The following SDK1 variants were observed in gnomAD, a reference collection of about 807,000 sequenced individuals.
SDK1 encodes sidekick cell adhesion molecule 1.
In SDK1, 157 loss-of-function variants were observed where a neutral mutation model predicts 245.5. The ratio of observed to expected loss-of-function variants is 0.64; its 90% CI spans 0.56 to 0.73. The LOEUF (loss-of-function observed/expected upper bound fraction) is 0.73, where lower values mean the gene tolerates loss of function less well. SDK1 is among the 30% of genes least tolerant of loss of function. The pLI, the probability that SDK1 is intolerant of heterozygous loss-of-function variation, is 0.00. For missense variants in SDK1, 3,583 were observed against 3,002.3 expected (o/e 1.19, Z -4.52); for synonymous variants, 1,647 against 1,278.5 (o/e 1.29, Z -6.15).
At chr7:3,962,266 C>A (rs142616341) in intron 8 of SDK1, among the ~76,000 whole-genome samples, 19 of 152,328 alleles carry the variant, frequency 1.2e-4, no homozygotes, top group African/African-American at 4.3e-4. Context: ...GTCCTCTGCC[C>A]CTATGACCCT....
At chr7:3,431,697 G>C (rs191203007) in intron 1 of SDK1, among the ~76,000 whole-genome samples, 16 of 152,094 alleles carry the variant, frequency 1.1e-4, no homozygotes, top group African/African-American at 3.9e-4. Flanking sequence ...GGGGAGTTTG[G>C]AGCTCTGAGA....
intron 1 of SDK1, among the ~76,000 whole-genome samples, chr7:3,510,045 C>G (rs1782528507): frequency 6.6e-6 from 1 of 152,194 alleles, no homozygotes; most frequent in South Asian, 2.1e-4. Context: ...GGTTGACAAC[C>G]ATTGACTTAG....
intron 1 of SDK1, among the ~76,000 whole-genome samples, chr7:3,397,163 G>A (rs1455043762): frequency 1.3e-5 from 2 of 151,738 alleles, no homozygotes; most frequent in African/African-American, 2.4e-5. Context: ...GTATTTATAT[G>A]TTATAAGCCT....
At position 3,991,696 on chromosome 7, in the gene SDK1, G is replaced by A. The variant is rs542779698; in HGVS notation, c.2131+4374G>A. On this transcript the variant is annotated intron_variant, in intron 14 of 44. Transcript: ENST00000404826. ...CTTCAGAGCCTGGAGTGTGGGTATTGTGGCATGCAGAATCTAGAGTGGGTA... is the reference window on the plus strand; with the variant it reads ...CTTCAGAGCCTGGAGTGTGGGTATTATGGCATGCAGAATCTAGAGTGGGTA... 8.5e-5 allele frequency among the ~76,000 whole-genome samples: 13 copies of A among 152,310 alleles called. No homozygotes were observed. In the South Asian group the frequency reaches 2.5e-3, roughly 29 times the overall value.
intron 5 of SDK1, among the ~76,000 whole-genome samples, chr7:3,830,320 A>AT (rs1490560758): frequency 2.6e-5 from 4 of 152,136 alleles, no homozygotes; most frequent in Non-Finnish European, 5.9e-5. Context: ...GCCTAATCGG[A>AT]TTTTTTACAA....
intron 1 of SDK1, among the ~76,000 whole-genome samples, chr7:3,366,539 T>C (rs1336264068): frequency 6.6e-6 from 1 of 152,138 alleles, no homozygotes; most frequent in Admixed American, 6.5e-5. Context: ...GTTTGTGACG[T>C]TCAGTTTCTT....
chr7:4,101,618 C>G (rs7793159), intron 22 of SDK1, among the ~76,000 whole-genome samples: 6 of 152,118 alleles, frequency 3.9e-5, no homozygotes, highest in East Asian at 3.9e-4. Flanking sequence ...CACTGACCCT[C>G]GATGACAGAG....
At chr7:3,953,015 G>C (rs567159967) in intron 7 of SDK1, among the ~76,000 whole-genome samples, 11 of 152,184 alleles carry the variant, frequency 7.2e-5, no homozygotes, top group African/African-American at 2.6e-4. Context: ...GTTGATAAGA[G>C]GTAGCCTTAG....
chr7:3,495,193 C>G (rs1583948389), intron 1 of SDK1, among the ~76,000 whole-genome samples: 1 of 151,812 alleles, frequency 6.6e-6, no homozygotes, highest in East Asian at 1.9e-4. Context: ...TCATGAATCC[C>G]TCAGAACTGT....
intron 4 of SDK1, among the ~76,000 whole-genome samples, chr7:3,775,847 A>G (rs992441925): frequency 1.3e-5 from 2 of 152,162 alleles, no homozygotes; most frequent in African/African-American, 4.8e-5. Flanking sequence ...AAGTGCTGGG[A>G]TTACAGGCGT....
chr7:3,738,658 T>C (rs375879922), intron 4 of SDK1, among the ~76,000 whole-genome samples: 6 of 152,228 alleles, frequency 3.9e-5, no homozygotes, highest in African/African-American at 1.4e-4. Context: ...AGTCATCTGA[T>C]TTGTGAAATG....
intron 1 of SDK1, among the ~76,000 whole-genome samples, chr7:3,512,442 GT>G (rs1312301082): frequency 3.3e-5 from 5 of 152,178 alleles, no homozygotes; most frequent in African/African-American, 1.2e-4. Flanking sequence ...GCAGGTTTTT[GT>G]ATGTGGAAAT....
At chr7:3,808,152 G>A (rs1477293475) in intron 4 of SDK1, among the ~76,000 whole-genome samples, 1 of 152,204 alleles carries the variant, frequency 6.6e-6, no homozygotes, top group Admixed American at 6.5e-5. Flanking sequence ...TGAGGGCTAG[G>A]TGAGATGCAT....
At chr7:3,589,802 A>G (rs1780803059) in intron 1 of SDK1, among the ~76,000 whole-genome samples, 1 of 152,196 alleles carries the variant, frequency 6.6e-6, no homozygotes, top group Non-Finnish European at 1.5e-5. Context: ...GGGAGCTGCA[A>G]TTCAAGATGA....
Position 3,977,423 on chromosome 7 carries a change from A to ACG in SDK1, c.1994+2879_1994+2880insGC, listed in dbSNP as rs1562606669. 1.3e-4 allele frequency among the ~76,000 whole-genome samples: 14 copies of ACG among 108,436 alleles called. 3 individuals carry two copies. The highest frequency in any genetic ancestry group is 4.0e-4 in the African/African-American group (13 of 32,740). The allele number at this position is 108,436 out of a possible 152,430, so 71.1% of individuals were successfully genotyped here. A position where few individuals can be genotyped will look rare whatever the true frequency, so the allele number is the denominator to read the frequency against. ...TGGGGGTCCCGGGGCTGAGGCTGCC[A>ACG]CACAGAGGGTCCTCCAGCTTTTGTG... On this transcript the variant is annotated intron_variant, in intron 13 of 44. Transcript: ENST00000404826.
At chr7:3,970,544 G>A (rs1583675480) in intron 11 of SDK1, among the ~76,000 whole-genome samples, 1 of 152,194 alleles carries the variant, frequency 6.6e-6, no homozygotes, top group African/African-American at 2.4e-5. Context: ...AGAACTTGGC[G>A]ATGACCTTGA....
At chr7:4,182,511 C>T (rs1026812317) in intron 35 of SDK1, among the ~76,000 whole-genome samples, 6 of 152,156 alleles carry the variant, frequency 3.9e-5, no homozygotes, top group Admixed American at 6.5e-5. Context: ...CACCCAGGGA[C>T]GTGTCCTGGA....
intron 24 of SDK1, 83 bp downstream of exon 24, chr7:4,113,522 T>C (rs1783490206): frequency 2.0e-6 from 3 of 1,476,368 alleles, no homozygotes; most frequent in South Asian, 1.2e-5. Flanking sequence ...CTTAGGAGTT[T>C]CTTAGTCACG....
At position 3,968,064 on chromosome 7, in the gene SDK1, C is replaced by G. The variant is rs906427264; in HGVS notation, c.1546+630C>G. On this transcript the variant is annotated intron_variant, in intron 10 of 44. Coordinates refer to ENST00000404826, the MANE Select transcript of SDK1 (RefSeq NM_152744.4). ...CAGGCCTCCTCGGGCCTTACCGTGT[C>G]AAGGACTGGATGTGAAGTCACTCTG... is the stretch of plus-strand genomic sequence containing the variant. Among the ~76,000 whole-genome samples the G allele has an allele frequency of 1.6e-4, 25 of 152,258 alleles. 1 individual carries two copies. The highest frequency in any genetic ancestry group is 1.6e-3 in the Admixed American group (25 of 15,288).
Sources: allele counts gnomAD v4.1 joint callset (sites outside exome capture counted in the v4.1 genomes callset), GRCh38; gene constraint gnomAD v4.1.1; transcripts MANE v1.5; gene names NCBI Gene and HGNC (gene_info 2026-07-23, HGNC 2026-07-21).